The following GMEB1 variants were observed in gnomAD, a reference collection of about 807,000 sequenced individuals.
GMEB1 encodes the protein glucocorticoid modulatory element binding protein 1.
In GMEB1, 6 loss-of-function variants were observed where a neutral mutation model predicts 52.4. That is an observed-to-expected ratio of 0.11 (90% CI 0.06 to 0.23). The LOEUF (loss-of-function observed/expected upper bound fraction) is 0.23. Among genes scored for constraint, GMEB1 ranks in the 10% least tolerant of loss-of-function variants. The pLI is 1.00. For missense variants in GMEB1, 486 were observed against 685.6 expected (o/e 0.71, Z 3.25); for synonymous variants, 255 against 244.9 (o/e 1.04, Z -0.38).
chr1:28,717,171 A>G lies in GMEB1; in HGVS notation c.*2398A>G, dbSNP rs1212218292. On this transcript the variant is annotated 3_prime_UTR_variant, in exon 10 of 10. Transcript: ENST00000373816. ...TATGTAGTCAAAGAAACCCTGTAAC[A>G]TGGTAAGGTTGCTGTTTTTTTTTTT... 1 of 150,068 alleles carries G rather than the reference A, an allele frequency of 6.7e-6. No individual in the cohort carries two copies. The highest frequency in any genetic ancestry group is 2.4e-5 in the African/African-American group (1 of 41,046). The allele number at this position is 150,068 out of a possible 1,614,324, so 9.3% of individuals were successfully genotyped here.
At chr1:28,702,109 G>A (rs1365375227) in intron 6 of GMEB1, among the ~76,000 whole-genome samples, 1 of 152,112 alleles carries the variant, frequency 6.6e-6, no homozygotes, top group Non-Finnish European at 1.5e-5. Context: ...GCTAGTAGGG[G>A]CTGGCAGGCT....
intron 2 of GMEB1, among the ~76,000 whole-genome samples, chr1:28,688,360 G>T (rs1235302796): frequency 1.3e-5 from 2 of 152,166 alleles, no homozygotes; most frequent in Non-Finnish European, 2.9e-5. Flanking sequence ...CAGAAGGGAG[G>T]TCTGTGCTAG....
At chr1:28,690,416 A>G (rs1669907061) in intron 3 of GMEB1, among the ~76,000 whole-genome samples, 1 of 152,054 alleles carries the variant, frequency 6.6e-6, no homozygotes. Context: ...TTGGAAGGGT[A>G]ACTGAAAAGA....
At chr1:28,673,181 A>T (rs1668982005) in intron 1 of GMEB1, among the ~76,000 whole-genome samples, 1 of 152,160 alleles carries the variant, frequency 6.6e-6, no homozygotes. Context: ...GGTGTGAGCC[A>T]CTGCGCCCAG....
At chr1:28,673,490 T>C (rs1190135033) in intron 1 of GMEB1, among the ~76,000 whole-genome samples, 1 of 147,068 alleles carries the variant, frequency 6.8e-6, no homozygotes, top group Non-Finnish European at 1.5e-5. Context: ...CCCCTGACCT[T>C]GTGATCCACC....
intron 6 of GMEB1, among the ~76,000 whole-genome samples, chr1:28,700,238 C>T (rs946211555): frequency 2.0e-5 from 3 of 151,508 alleles, no homozygotes; most frequent in Non-Finnish European, 4.4e-5. Context: ...CATGGCTGGG[C>T]GCGGTGGCTC....
At chr1:28,683,295 G>A (rs374777639) in intron 1 of GMEB1, among the ~76,000 whole-genome samples, 4 of 151,448 alleles carry the variant, frequency 2.6e-5, no homozygotes, top group Admixed American at 2.0e-4. Context: ...GCATGATCTC[G>A]GCTCACCGCA....
chr1:28,671,759 A>C (rs1416892711), intron 1 of GMEB1, among the ~76,000 whole-genome samples: 5 of 151,728 alleles, frequency 3.3e-5, no homozygotes, highest in African/African-American at 1.2e-4. Context: ...AAAATAAATA[A>C]ATAAATATAT....
In GMEB1 at chr1:28,714,822, A is replaced by G. The variant is rs760251096; in HGVS notation, c.*49A>G. On this transcript the variant is annotated 3_prime_UTR_variant, in exon 10 of 10. Transcript: ENST00000373816. ...TATGTTTTGATTTGGAATTTTAATT[A>G]TTTGTTTATTTTTATCATTGTCCCA... The G allele has an allele frequency of 8.6e-6, 11 of 1,276,708 alleles. No homozygotes were observed. The highest frequency in any genetic ancestry group is 1.0e-5 in the Non-Finnish European group (9 of 903,796). The allele number at this position is 1,276,708 out of a possible 1,614,324, so 79.1% of individuals were successfully genotyped here.
chr1:28,701,052 C>A (rs1011418322), intron 6 of GMEB1, among the ~76,000 whole-genome samples: 6 of 151,976 alleles, frequency 3.9e-5, no homozygotes, highest in Non-Finnish European at 8.8e-5. Context: ...AGGACTTGAG[C>A]ATGTACAGAT....
In GMEB1 at chr1:28,714,416, C is replaced by G. The variant is rs1284399536; in HGVS notation, c.1335C>G (p.Ala445=). Residue 445 remains alanine, a synonymous_variant, in exon 10 of 10, where the codon GCC becomes GCG. Coordinates refer to ENST00000373816, the MANE Select transcript of GMEB1 (RefSeq NM_001319674.2). Reference sequence around the variant, plus strand: ...GCTATGCCACAGTGGTCTCCTCTGCCAAGAGCAGCTCACCAGACACAGTGA... The same window carrying G: ...GCTATGCCACAGTGGTCTCCTCTGCGAAGAGCAGCTCACCAGACACAGTGA... ...LFRYATVVSS[A]KSSSPDTVTI... is the part of the protein sequence containing the mutation. 2 of 1,614,196 alleles carry G rather than the reference C, an allele frequency of 1.2e-6. No homozygotes were observed. The highest frequency in any genetic ancestry group is 2.2e-5 in the East Asian group (1 of 44,892).
Position 28,673,018 on chromosome 1 carries a change from C to T in GMEB1, c.-31+4179C>T, listed in dbSNP as rs1003632037. Reference sequence around the variant, plus strand: ...TCAAGTGGTTCTCCTGCCTCAGCTTCCCGAGTAGATAGGATTACAGGCATG... The same window carrying T: ...TCAAGTGGTTCTCCTGCCTCAGCTTTCCGAGTAGATAGGATTACAGGCATG... On this transcript the variant is annotated intron_variant, in intron 1 of 9. Transcript: ENST00000373816. Among the ~76,000 whole-genome samples, 7 of 152,122 alleles carry T rather than the reference C, an allele frequency of 4.6e-5. 1 individual carries two copies. The highest frequency in any genetic ancestry group is 1.9e-4 in the East Asian group (1 of 5,170).
At chr1:28,697,799 C>T (rs1033970041) in intron 6 of GMEB1, among the ~76,000 whole-genome samples, 4 of 152,256 alleles carry the variant, frequency 2.6e-5, no homozygotes, top group African/African-American at 7.2e-5. Flanking sequence ...TGGTGGCTGA[C>T]GCCTGTAATC....
chr1:28,675,026 T>C (rs984656071), intron 1 of GMEB1, among the ~76,000 whole-genome samples: 1 of 122,536 alleles, frequency 8.2e-6, no homozygotes, highest in Non-Finnish European at 1.7e-5. Flanking sequence ...GCCTTTTTTT[T>C]TTTTTTTTTG....
At position 28,702,539 on chromosome 1, in the gene GMEB1, G is replaced by A; in HGVS notation, c.700G>A (p.Gly234Ser). The A allele has an allele frequency of 6.2e-7, 1 of 1,613,622 alleles. No individual in the cohort carries two copies. Reference sequence around the variant, plus strand: ...TGCTGTCACCATGGCCACGGAGGAGGGTGTAAAGAAAGACTCAGAGGAAAT... The same window carrying A: ...TGCTGTCACCATGGCCACGGAGGAGAGTGTAAAGAAAGACTCAGAGGAAAT... ...TAAVTMATEE[G>S]VKKDSEEISE... Residue 234 changes from glycine (G) to serine (S), a missense_variant, in exon 7 of 10, where the codon GGT becomes AGT. Physicochemically the swap from Gly to Ser is moderately conservative, Grantham distance 56. This residue lies in a region of GMEB1 where 200 missense variants were observed against 253.5 expected (regional missense o/e 0.79). Transcript: ENST00000373816.
intron 9 of GMEB1, 32 bp from the exon 10 acceptor site, chr1:28,714,041 C>G: frequency 6.6e-7 from 1 of 1,525,900 alleles, no homozygotes; most frequent in Non-Finnish European, 9.0e-7. Flanking sequence ...TTTTACTTCC[C>G]TCTACACAAA....
intron 5 of GMEB1, among the ~76,000 whole-genome samples, chr1:28,694,535 A>G (rs902983860): frequency 1.3e-5 from 2 of 149,858 alleles, no homozygotes; most frequent in Admixed American, 6.7e-5. Flanking sequence ...AAAAAAGCCC[A>G]TGTTCTGTCA....
chr1:28,694,465 A>C (rs937976973), intron 5 of GMEB1, among the ~76,000 whole-genome samples: 2 of 150,426 alleles, frequency 1.3e-5, no homozygotes, highest in African/African-American at 4.9e-5. Context: ...AAGTGCTGAG[A>C]TTATAGGCAT....
At chr1:28,685,116 C>G (rs1056756965) in intron 2 of GMEB1, among the ~76,000 whole-genome samples, 8 of 152,058 alleles carry the variant, frequency 5.3e-5, no homozygotes, top group African/African-American at 1.9e-4. Flanking sequence ...CTCTGAACCC[C>G]CATGGAGGGG....
Sources: gnomAD v4.1 joint callset for allele counts (sites outside exome capture counted in the v4.1 genomes callset) on GRCh38, gnomAD v4.1.1 for gene constraint, gnomAD v4.1.1 regional missense constraint, MANE v1.5 for transcripts, NCBI Gene and HGNC (gene_info 2026-07-23, HGNC 2026-07-21) for gene names.